The following ANKRD52 variants were observed in gnomAD, a reference collection of about 807,000 sequenced individuals.
ANKRD52 encodes the protein serine/threonine-protein phosphatase 6 regulatory ankyrin repeat subunit C.
A neutral mutation model predicts 116.0 loss-of-function variants in ANKRD52; 7 were observed. The observed-to-expected ratio is 0.06, with a 90% CI of 0.03 to 0.11. The LOEUF is 0.11. Ranked by LOEUF, ANKRD52 falls within the 10% of genes least tolerant of loss-of-function variation. The probability of loss-of-function intolerance (pLI) is 1.00; values close to 1 mark genes in which losing one functional copy is unlikely to be tolerated. For synonymous variants in ANKRD52, 528 were observed against 578.1 expected (o/e 0.91, Z 1.24); for missense variants, 839 against 1,408.6 (o/e 0.60, Z 6.47).
rs1258360435 is a variant in ANKRD52 at position 56,258,248 on chromosome 12, C to G, written c.22G>C (p.Asp8His). The change falls in exon 1 of 28, where the codon GAC becomes CAC. Residue 8 changes from aspartate (D) to histidine (H), a missense_variant. Around this residue, in one of 2 missense-constraint regions of ANKRD52, gnomAD observed 287 missense variants for 598.1 expected, o/e 0.48. Transcript: ENST00000267116. MGILSIT[D>H]QPPLVQAIFS... is the part of the protein sequence containing the mutation. ...GAAAGGGCAGGAGGGCTGACCTGGT[C>G]CGTGATGCTGAGGATCCCCATGGCT... is the stretch of plus-strand genomic sequence containing the variant. The G allele has an allele frequency of 6.2e-6, 10 of 1,600,450 alleles. No homozygotes were observed. The highest frequency in any genetic ancestry group is 8.5e-6 in the Non-Finnish European group (10 of 1,174,928).
At position 56,247,563 on chromosome 12, in the gene ANKRD52, T is replaced by A. The variant is rs779456745; in HGVS notation, c.2114A>T (p.His705Leu). The A allele has an allele frequency of 1.9e-6, 3 of 1,596,988 alleles. No homozygotes were observed. The Admixed American group carries it at 5.2e-5, about 28-fold the overall frequency. ...TGTGGATCCTTTCTCTAGCAGCAGA[T>A]GTACACAGTCCACATGGCCATTCAT... ...AIMNGHVDCV[H>L]LLLEKGSTAD... Residue 705 changes from histidine (H) to leucine (L), a missense_variant, in exon 20 of 28, where the codon CAT (histidine) becomes CTT (leucine). By Grantham distance (99) the His-to-Leu change is moderately conservative (BLOSUM62 -3). Transcript: ENST00000267116.
In ANKRD52 at chr12:56,258,366, G is replaced by A. The variant is rs1397272045; in HGVS notation, c.-97C>T. ...GGCCCAGGCGGCGGCTGCGGTGGCG[G>A]CTGCAGGGAGAGCGCGGCCCCGCCT... On this transcript the variant is annotated 5_prime_UTR_variant, in exon 1 of 28. Coordinates refer to ENST00000267116, the MANE Select transcript of ANKRD52 (RefSeq NM_173595.4). The A allele has an allele frequency of 1.8e-5, 23 of 1,275,768 alleles. No homozygotes were observed. Among genetic ancestry groups the A allele is most frequent in the Non-Finnish European group, 2.2e-5 (22 of 1,003,384 alleles). 79.0% of individuals were successfully genotyped at this position (1,275,768 alleles called of 1,614,324 possible).
intron 15 of ANKRD52, among the ~76,000 whole-genome samples, chr12:56,250,620 A>G (rs1276128393): frequency 6.6e-6 from 1 of 151,660 alleles, no homozygotes; most frequent in Non-Finnish European, 1.5e-5. Flanking sequence ...GTGGTGGCTC[A>G]TATCTGTAAT....
At position 56,252,049 on chromosome 12, in the gene ANKRD52, G is replaced by C; in HGVS notation, c.1558C>G (p.Pro520Ala). 1 of 1,613,948 alleles carries C rather than the reference G, an allele frequency of 6.2e-7. No individual in the cohort carries two copies. ...PSSHDAEEDE[P>A]LKESRRKEAF... ...TCCTTCCTGCGGGACTCCTTCAGTGGCTCGTCCTCTTCGGCATCATGGCTG... is the reference window on the plus strand; with the variant it reads ...TCCTTCCTGCGGGACTCCTTCAGTGCCTCGTCCTCTTCGGCATCATGGCTG... The change falls in exon 15 of 28, where the codon CCA (proline) becomes GCA (alanine). Residue 520 changes from proline to alanine, a missense_variant. Physicochemically the swap from Pro to Ala is conservative, Grantham distance 27. Around this residue, in one of 2 missense-constraint regions of ANKRD52, gnomAD observed 552 missense variants for 810.6 expected, o/e 0.68. Coordinates refer to ENST00000267116, the MANE Select transcript of ANKRD52 (RefSeq NM_173595.4). This position sits in a 1 kb window ranked among gnomAD's most constrained non-coding sequence, Gnocchi z 4.7.
At chr12:56,247,825 G>A (rs1299176093) in intron 18 of ANKRD52, 51 bp from the exon 19 acceptor site, 3 of 1,559,488 alleles carry the variant, frequency 1.9e-6, no homozygotes, top group East Asian at 4.6e-5. Flanking sequence ...AAGAAGGGAG[G>A]CAAGGTCAAG....
chr12:56,257,304 G>A lies in ANKRD52; in HGVS notation c.169C>T (p.Leu57Phe), dbSNP rs1470655434. 5.6e-6 allele frequency: 9 copies of A among 1,597,634 alleles called. No homozygotes were observed. In the South Asian group the frequency reaches 9.1e-5, roughly 16 times the overall value. ...AAAYVGDVPI[L>F]QLLLMSGANV... ...TCACCTGACATCAGTAGCAACTGGA[G>A]GATGGGGACATCGCCTACGTAGGCA... The change falls in exon 3 of 28, where the codon CTC becomes TTC. Residue 57 changes from leucine to phenylalanine, a missense_variant. Physicochemically the swap from Leu to Phe is conservative, Grantham distance 22 (BLOSUM62 0). Coordinates refer to ENST00000267116, the MANE Select transcript of ANKRD52 (RefSeq NM_173595.4).
At position 56,249,908 on chromosome 12, in the gene ANKRD52, C is replaced by T. The variant is rs1426096592; in HGVS notation, c.1593-1038G>A. On this transcript the variant is annotated intron_variant, in intron 15 of 27. Coordinates refer to ENST00000267116, the MANE Select transcript of ANKRD52 (RefSeq NM_173595.4). ...ACAAAAAATTAGCCAGGCGTGGCAG[C>T]GTGCTCCTGTAGTCCCAGCTACTCA... Among the ~76,000 whole-genome samples the T allele has an allele frequency of 4.6e-5, 7 of 152,310 alleles. 1 individual carries two copies. In the South Asian group the frequency reaches 1.0e-3, roughly 23 times the overall value.
intron 21 of ANKRD52, 51 bp downstream of exon 21, chr12:56,245,326 A>G: frequency 1.2e-6 from 2 of 1,600,676 alleles, no homozygotes; most frequent in Middle Eastern, 3.9e-4. Context: ...GTCCCCCTCT[A>G]CACACACTCC....
Position 56,243,964 on chromosome 12 carries a change from G to T in ANKRD52, c.2888+87C>A. On this transcript the variant is annotated intron_variant, in intron 26 of 27. Coordinates refer to ENST00000267116, the MANE Select transcript of ANKRD52 (RefSeq NM_173595.4). The surrounding 1 kb of genome is among the most constrained non-coding windows in gnomAD (Gnocchi z 4.6). ...GGCAAGGGTGCTGAACAAATACAAT[G>T]GGCTCCAGAGAGCCTCTGAACAGCG... 6.2e-7 allele frequency: 1 copy of T among 1,600,910 alleles called. No homozygotes were observed. Among genetic ancestry groups the T allele is most frequent in the Non-Finnish European group, 8.5e-7 (1 of 1,170,912 alleles).
Position 56,247,547 on chromosome 12 carries a change from T to C in ANKRD52, c.2130A>G (p.Lys710=). 6.3e-7 allele frequency: 1 copy of C among 1,597,350 alleles called. No individual in the cohort carries two copies. ...GGTCAGCAGCATCAGCTGTGGATCC[T>C]TTCTCTAGCAGCAGATGTACACAGT... ...HVDCVHLLLE[K]GSTADAADLR... is the part of the protein sequence containing the mutation. The change falls in exon 20 of 28, where the codon AAA becomes AAG. Residue 710 remains lysine (K), a synonymous_variant. Transcript: ENST00000267116.
chr12:56,253,824 GTTTT>G lies in ANKRD52; in HGVS notation c.907-28_907-25del. The G allele has an allele frequency of 7.5e-6, 12 of 1,610,150 alleles. No homozygotes were observed. The highest frequency in any genetic ancestry group is 1.0e-5 in the Non-Finnish European group (12 of 1,177,446). Reference sequence around the variant, plus strand: ...CTCTGTGGAAACATGGTGGGTTTTTGTTTTTGTTTTTTTTTCCAGTGCAAAGCAC... The same window carrying G: ...CTCTGTGGAAACATGGTGGGTTTTTGTGTTTTTTTTTCCAGTGCAAAGCAC... On this transcript the variant is annotated intron_variant, in intron 8 of 27. Transcript: ENST00000267116. The surrounding 1 kb of genome is among the most constrained non-coding windows in gnomAD (Gnocchi z 5.5).
chr12:56,245,270 C>T (rs1871341918), intron 21 of ANKRD52, 80 bp from the exon 22 acceptor site: 2 of 1,601,108 alleles, frequency 1.2e-6, no homozygotes, highest in Non-Finnish European at 1.7e-6. Flanking sequence ...CACTCCATTC[C>T]ACTTCCAGAT....
chr12:56,257,244 G>A (rs1359786130), intron 3 of ANKRD52, 39 bp downstream of exon 3: 7 of 1,563,174 alleles, frequency 4.5e-6, no homozygotes, highest in East Asian at 2.4e-5. Flanking sequence ...CCCTCCCTTC[G>A]CTCCCTATGT....
Position 56,247,732 on chromosome 12 carries a change from C to G in ANKRD52, c.2021G>C (p.Ser674Thr), listed in dbSNP as rs199712669. 1 of 1,612,778 alleles carries G rather than the reference C, an allele frequency of 6.2e-7. No individual in the cohort carries two copies. The highest frequency in any genetic ancestry group is 2.2e-5 in the East Asian group (1 of 44,888). Residue 674 changes from serine to threonine, a missense_variant, in exon 19 of 28, where the codon AGT becomes ACT. Physicochemically the swap from Ser to Thr is moderately conservative, Grantham distance 58 (BLOSUM62 1). Transcript: ENST00000267116. ...ATCTGTGATGTCAGCTCGTTCCCCA[C>G]TGTCGATCAGCAAGTGCAGGGAGTC... ...HTDSLHLLID[S>T]GERADITDVM... is the part of the protein sequence containing the mutation.
rs757605434 is a variant in ANKRD52, at chr12:56,243,896, A to G, written c.2889-20T>C. On this transcript the variant is annotated intron_variant, in intron 26 of 27. Transcript: ENST00000267116. This position sits in a 1 kb window ranked among gnomAD's most constrained non-coding sequence, Gnocchi z 4.6. ...AGTGGCCTTGGAAAAAAGGAAAAAGAAGGAGCTTGATGCTAAGCTGCCCTT... is the reference window on the plus strand; with the variant it reads ...AGTGGCCTTGGAAAAAAGGAAAAAGGAGGAGCTTGATGCTAAGCTGCCCTT... The G allele has an allele frequency of 4.4e-6, 7 of 1,575,492 alleles. No homozygotes were observed. In the Admixed American group the frequency reaches 1.1e-4, roughly 25 times the overall value.
In ANKRD52 at chr12:56,252,453, G is replaced by C. The variant is rs1363634762; in HGVS notation, c.1370+49C>G. 6.3e-7 allele frequency: 1 copy of C among 1,599,544 alleles called. No individual in the cohort carries two copies. Among genetic ancestry groups the C allele is most frequent in the East Asian group, 2.2e-5 (1 of 44,802 alleles). On this transcript the variant is annotated intron_variant, in intron 13 of 27. Transcript: ENST00000267116. This position sits in a 1 kb window ranked among gnomAD's most constrained non-coding sequence, Gnocchi z 4.7. ...TAAACCCTTCCTCCCTCTACCATTTGTTTCTCTAATCAGATATTCCCTATG... is the reference window on the plus strand; with the variant it reads ...TAAACCCTTCCTCCCTCTACCATTTCTTTCTCTAATCAGATATTCCCTATG...
At position 56,253,429 on chromosome 12, in the gene ANKRD52, T is replaced by TCA; in HGVS notation, c.986-29_986-28dup. ...TGTGAGGGGATGCACACACACAAGC[T>TCA]CAGGCAGACCTCAGGCTTAAGACCA... On this transcript the variant is annotated intron_variant, in intron 9 of 27. Transcript: ENST00000267116. The surrounding 1 kb of genome is among the most constrained non-coding windows in gnomAD (Gnocchi z 5.5). The TCA allele has an allele frequency of 6.3e-7, 1 of 1,575,122 alleles. No homozygotes were observed. The highest frequency in any genetic ancestry group is 8.7e-7 in the Non-Finnish European group (1 of 1,145,682).
Position 56,253,101 on chromosome 12 carries a change from AG to A in ANKRD52, c.1101-16del. The stretch of plus-strand genomic sequence containing the variant: ...GGATGCCACGCCTAGAGAGAAGTTG[AG>A]GGACTCAGTCCTTGGGTCAAGGAGG... On this transcript the variant is annotated splice_polypyrimidine_tract_variant and intron_variant, in intron 10 of 27. Transcript: ENST00000267116. This position sits in a 1 kb window ranked among gnomAD's most constrained non-coding sequence, Gnocchi z 5.5. 1.3e-6 allele frequency: 2 copies of A among 1,557,510 alleles called. No individual in the cohort carries two copies. The highest frequency in any genetic ancestry group is 1.2e-5 in the South Asian group (1 of 82,344).
At chr12:56,256,156 T>C (rs1046571062) in intron 4 of ANKRD52, among the ~76,000 whole-genome samples, 172 bp from the exon 5 acceptor site, 2 of 152,218 alleles carry the variant, frequency 1.3e-5, no homozygotes, top group African/African-American at 4.8e-5. Context: ...CTTCTGGATC[T>C]TCTTAGAACT....
Sources: gnomAD v4.1 joint callset for allele counts (sites outside exome capture counted in the v4.1 genomes callset) on GRCh38, gnomAD v4.1.1 for gene constraint, gnomAD v4.1.1 regional missense constraint, Gnocchi (gnomAD v3.1) non-coding constraint, MANE v1.5 for transcripts, NCBI Gene and HGNC (gene_info 2026-07-23, HGNC 2026-07-21) for gene names.